The following VWA8 variants were observed in gnomAD, a reference collection of about 807,000 sequenced individuals.
The protein encoded by VWA8 is von Willebrand factor A domain containing 8.
VWA8 carries 221 observed loss-of-function variants against 241.5 expected under a neutral mutation model. The ratio of observed to expected loss-of-function variants is 0.91; its 90% confidence interval spans 0.82 to 1.02. The LOEUF (loss-of-function observed/expected upper bound fraction) is 1.02, where lower values mean the gene tolerates loss of function less well. Ranked by LOEUF, VWA8 falls within the 50% of genes least tolerant of loss-of-function variation. The pLI, the probability that VWA8 is intolerant of heterozygous loss-of-function variation, is 0.00. For missense variants in VWA8, 2,322 were observed against 2,328.7 expected (o/e 1.00, Z 0.06); for synonymous variants, 852 against 827.1 (o/e 1.03, Z -0.52).
At chr13:41,850,869 C>G (rs992439442) in intron 12 of VWA8, among the ~76,000 whole-genome samples, 14 of 152,080 alleles carry the variant, frequency 9.2e-5, no homozygotes, top group African/African-American at 3.1e-4. Context: ...TGGAGACCTA[C>G]GAACTACCTG....
chr13:41,875,760 C>T (rs949342172), intron 9 of VWA8, among the ~76,000 whole-genome samples: 1 of 152,002 alleles, frequency 6.6e-6, no homozygotes, highest in Non-Finnish European at 1.5e-5. Flanking sequence ...TCTACATTCA[C>T]TTTTTAAATA....
intron 37 of VWA8, among the ~76,000 whole-genome samples, chr13:41,650,790 GGAGGGAGGGATGTGTTTTGCT>G: frequency 1.3e-5 from 2 of 152,316 alleles, no homozygotes; most frequent in Middle Eastern, 6.8e-3. Context: ...GGGATGCCGA[GGAGGGAGGGATGTGTTTTGCT>G]GAGGGTAGAC....
intron 12 of VWA8, among the ~76,000 whole-genome samples, chr13:41,855,534 A>T (rs1872714518): frequency 6.6e-6 from 1 of 151,802 alleles, no homozygotes; most frequent in Non-Finnish European, 1.5e-5. Flanking sequence ...AACAACATAG[A>T]TGACTCTCAA....
chr13:41,582,324 A>C (rs1332779806), intron 42 of VWA8, among the ~76,000 whole-genome samples: 2 of 152,200 alleles, frequency 1.3e-5, no homozygotes, highest in Non-Finnish European at 2.9e-5. Context: ...GTAATGACCC[A>C]CGGCTCAGGA....
At chr13:41,692,651 T>C (rs1818569446) in intron 30 of VWA8, among the ~76,000 whole-genome samples, 1 of 152,114 alleles carries the variant, frequency 6.6e-6, no homozygotes, top group Non-Finnish European at 1.5e-5. Context: ...TTCATGCAAG[T>C]ATAATGTCAT....
At chr13:41,642,130 C>T (rs947203990) in intron 37 of VWA8, among the ~76,000 whole-genome samples, 3 of 152,114 alleles carry the variant, frequency 2.0e-5, no homozygotes, top group African/African-American at 7.2e-5. Context: ...GTTAATTATA[C>T]CATTTAGGTA....
At chr13:41,931,594 A>G (rs1877123737) in intron 2 of VWA8, among the ~76,000 whole-genome samples, 1 of 152,008 alleles carries the variant, frequency 6.6e-6, no homozygotes, top group Non-Finnish European at 1.5e-5. Context: ...CAAAAAAAAC[A>G]TGAGTAACTA....
chr13:41,952,787 G>C (rs914998983), intron 1 of VWA8, among the ~76,000 whole-genome samples: 5 of 151,906 alleles, frequency 3.3e-5, no homozygotes, highest in Admixed American at 6.6e-5. Flanking sequence ...TCACATTTCT[G>C]AAAGACAGTA....
intron 3 of VWA8, among the ~76,000 whole-genome samples, chr13:41,911,062 CTTTTTTTTTTTTT>C: frequency 1.0e-5 from 1 of 97,948 alleles, no homozygotes; most frequent in South Asian, 4.0e-4. Context: ...CATTTTCTTT[CTTTTTTTTTTTTT>C]TTTTTTGAGA....
intron 2 of VWA8, among the ~76,000 whole-genome samples, chr13:41,922,674 A>G (rs1276662275): frequency 1.3e-5 from 2 of 152,250 alleles, no homozygotes; most frequent in Non-Finnish European, 2.9e-5. Flanking sequence ...GCCAAAAGAC[A>G]CATGAAAAAA....
In VWA8 at chr13:41,570,670, C is replaced by T; in HGVS notation, c.5407G>A (p.Asp1803Asn). 1 of 1,614,212 alleles carries T rather than the reference C, an allele frequency of 6.2e-7. No homozygotes were observed. Among genetic ancestry groups the T allele is most frequent in the Non-Finnish European group, 8.5e-7 (1 of 1,180,048 alleles). Residue 1803 changes from aspartate to asparagine, a missense_variant, in exon 44 of 45, where the codon GAC (aspartate) becomes AAC (asparagine). Coordinates refer to ENST00000379310, the MANE Select transcript of VWA8 (RefSeq NM_015058.2). Reference protein sequence around the residue: ...HAHSQFCMSGDHTLEGTEHAI... With the variant: ...HAHSQFCMSGNHTLEGTEHAI... Reference sequence around the variant, plus strand: ...TGTTCTGTCCCTTCTAACGTGTGGTCCCCACTCATGCAGAACTGAGAGTGG... The same window carrying T: ...TGTTCTGTCCCTTCTAACGTGTGGTTCCCACTCATGCAGAACTGAGAGTGG...
At chr13:41,572,538 G>T (rs2044314714) in intron 43 of VWA8, among the ~76,000 whole-genome samples, 1 of 152,060 alleles carries the variant, frequency 6.6e-6, no homozygotes, top group Non-Finnish European at 1.5e-5. Flanking sequence ...TCCACCCAGG[G>T]TTAAATGGAT....
intron 12 of VWA8, among the ~76,000 whole-genome samples, chr13:41,849,673 G>A (rs1872443209): frequency 6.6e-6 from 1 of 152,174 alleles, no homozygotes; most frequent in Non-Finnish European, 1.5e-5. Context: ...TGGATCATGA[G>A]GTCAGGAGTT....
At chr13:41,595,486 C>T (rs748005508) in intron 40 of VWA8, among the ~76,000 whole-genome samples, 12 of 152,080 alleles carry the variant, frequency 7.9e-5, no homozygotes, top group Non-Finnish European at 1.2e-4. Flanking sequence ...TCATCCACAC[C>T]GCCTAAGCCT....
At chr13:41,891,648 A>G in intron 4 of VWA8, 61 bp from the exon 5 acceptor site, 3 of 1,551,766 alleles carry the variant, frequency 1.9e-6, no homozygotes, top group East Asian at 2.3e-5. Context: ...TTGGCCTAAC[A>G]TTACTTGTAA....
At chr13:41,622,731 T>C (rs917903311) in intron 37 of VWA8, among the ~76,000 whole-genome samples, 1 of 152,232 alleles carries the variant, frequency 6.6e-6, no homozygotes, top group African/African-American at 2.4e-5. Flanking sequence ...GGAAGGGACA[T>C]GACTCACTGA....
chr13:41,699,261 T>C lies in VWA8; in HGVS notation c.3374A>G (p.Gln1125Arg). 6.2e-7 allele frequency: 1 copy of C among 1,614,084 alleles called. No homozygotes were observed. The highest frequency in any genetic ancestry group is 8.5e-7 in the Non-Finnish European group (1 of 1,179,948). Residue 1125 changes from glutamine to arginine, a missense_variant, in exon 29 of 45, where the codon CAA becomes CGA. Gln to Arg is a conservative substitution (Grantham distance 43). Transcript: ENST00000379310. ...CDIATSHENE[Q>R]NTLYVVTCNP... ...GCATGTAACTACATAGAGAGTATTT[T>C]GCTCATTTTCTGAAATGACAAAAAG...
intron 37 of VWA8, among the ~76,000 whole-genome samples, chr13:41,623,987 C>T (rs998450051): frequency 1.3e-5 from 2 of 152,062 alleles, no homozygotes; most frequent in Non-Finnish European, 2.9e-5. Flanking sequence ...ACAAAGGTGA[C>T]ATTACCACCA....
intron 37 of VWA8, among the ~76,000 whole-genome samples, chr13:41,642,984 C>A (rs1269968837): frequency 6.6e-6 from 1 of 152,146 alleles, no homozygotes; most frequent in Non-Finnish European, 1.5e-5. Context: ...GATAAATTTT[C>A]TGGATCTGCT....
Sources: gnomAD v4.1 joint callset for allele counts (sites outside exome capture counted in the v4.1 genomes callset) on GRCh38, gnomAD v4.1.1 for gene constraint, MANE v1.5 for transcripts, NCBI Gene and HGNC (gene_info 2026-07-23, HGNC 2026-07-21) for gene names.